MYO6: variants seen among roughly 807,000 people sequenced by gnomAD.
The protein encoded by MYO6 is unconventional myosin-VI.
Under a neutral mutation model 178.7 loss-of-function variants are expected in MYO6, and 74 were observed. That is an observed-to-expected ratio of 0.41 (90% CI 0.34 to 0.50). The LOEUF (loss-of-function observed/expected upper bound fraction) is 0.50, where lower values mean the gene tolerates loss of function less well. Ranked by LOEUF, MYO6 falls within the 20% of genes least tolerant of loss-of-function variation. MYO6 has a pLI of 0.09. For missense variants in MYO6, 1,330 were observed against 1,547.4 expected (o/e 0.86, Z 2.36); for synonymous variants, 477 against 504.6 (o/e 0.95, Z 0.73).
chr6:75,767,882 T>C (rs541385630), intron 1 of MYO6, among the ~76,000 whole-genome samples: 1 of 152,160 alleles, frequency 6.6e-6, no homozygotes, highest in Non-Finnish European at 1.5e-5. Flanking sequence ...ATGAATTTAC[T>C]ACAGAAATTA....
At chr6:75,835,156 C>T (rs191617730) in intron 6 of MYO6, among the ~76,000 whole-genome samples, 1 of 152,224 alleles carries the variant, frequency 6.6e-6, no homozygotes, top group Non-Finnish European at 1.5e-5. Context: ...TTAATAGGCT[C>T]TCACAAAAGG....
chr6:75,770,059 A>T (rs1244597090), intron 1 of MYO6, among the ~76,000 whole-genome samples: 1 of 151,946 alleles, frequency 6.6e-6, no homozygotes, highest in East Asian at 1.9e-4. Context: ...GGGGGCTCAG[A>T]CCCCACATTT....
At position 75,848,397 on chromosome 6, in the gene MYO6, G is replaced by A; in HGVS notation, c.944G>A (p.Gly315Asp). The A allele has an allele frequency of 1.2e-6, 2 of 1,613,764 alleles. No homozygotes were observed. Among genetic ancestry groups the A allele is most frequent in the Non-Finnish European group, 1.7e-6 (2 of 1,179,818 alleles). The change falls in exon 11 of 35, where the codon GGT becomes GAT. Residue 315 changes from glycine (G) to aspartate (D), a missense_variant. By Grantham distance (94) the Gly-to-Asp change is moderately conservative (BLOSUM62 -1). Around this residue, in one of 3 missense-constraint regions of MYO6, gnomAD observed 613 missense variants for 816.8 expected, o/e 0.75. Transcript: ENST00000369977. ...SMKDPLLDDH[G>D]DFIRMCTAMK... Reference sequence around the variant, plus strand: ...AAAGATCCTCTGCTAGATGACCATGGTGATTTTATTAGAATGTGCACGGCT... The same window carrying A: ...AAAGATCCTCTGCTAGATGACCATGATGATTTTATTAGAATGTGCACGGCT...
At position 75,809,986 on chromosome 6, in the gene MYO6, A is replaced by G. The variant is rs115233189; in HGVS notation, c.-47-7515A>G. ...GTAGTCCTAGCTCCTGTAGAGGCTG[A>G]GGCAGGAGAATTGCTTGAACCCTGG... is the stretch of plus-strand genomic sequence containing the variant. On this transcript the variant is annotated intron_variant, in intron 1 of 34. Transcript: ENST00000369977. 2.8e-3 allele frequency among the ~76,000 whole-genome samples: 420 copies of G among 149,264 alleles called. 3 individuals carry two copies. Among genetic ancestry groups the G allele is most frequent in the African/African-American group, 9.6e-3 (389 of 40,606 alleles).
chr6:75,775,225 G>C (rs1766264684), intron 1 of MYO6, among the ~76,000 whole-genome samples: 3 of 152,098 alleles, frequency 2.0e-5, no homozygotes, highest in Admixed American at 2.0e-4. Context: ...AATCCTCCCG[G>C]GATTTGGGAT....
intron 28 of MYO6, among the ~76,000 whole-genome samples, 177 bp from the exon 29 acceptor site, chr6:75,895,054 A>G (rs913323351): frequency 3.3e-5 from 5 of 152,188 alleles, no homozygotes; most frequent in Admixed American, 6.5e-5. Flanking sequence ...TTATTTTCCA[A>G]TCATTTTTAA....
intron 1 of MYO6, among the ~76,000 whole-genome samples, chr6:75,784,437 G>A (rs1426871466): frequency 6.6e-6 from 1 of 151,976 alleles, no homozygotes; most frequent in Non-Finnish European, 1.5e-5. Flanking sequence ...GCTGGGGAAA[G>A]CCAGCTTTCC....
At position 75,795,460 on chromosome 6, in the gene MYO6, TA is replaced by T. The variant is rs1768708704; in HGVS notation, c.-47-22039del. 2.0e-5 allele frequency among the ~76,000 whole-genome samples: 3 copies of T among 152,186 alleles called. No individual in the cohort carries two copies. The South Asian group carries it at 6.2e-4, about 32-fold the overall frequency. On this transcript the variant is annotated intron_variant, in intron 1 of 34. Coordinates refer to ENST00000369977, the MANE Select transcript of MYO6 (RefSeq NM_004999.4). Reference sequence around the variant, plus strand: ...TCGATTATTTTTGTTTATGAAAAGTTAACTGTTTGAGTAACTTTTTAAGTGC... The same window carrying T: ...TCGATTATTTTTGTTTATGAAAAGTTACTGTTTGAGTAACTTTTTAAGTGC...
At chr6:75,848,830 T>G (rs946874940) in intron 11 of MYO6, among the ~76,000 whole-genome samples, 7 of 152,154 alleles carry the variant, frequency 4.6e-5, no homozygotes, top group Admixed American at 1.3e-4. Flanking sequence ...ATTTTCCAGT[T>G]ATATTACACT....
intron 30 of MYO6, among the ~76,000 whole-genome samples, chr6:75,903,149 TGTG>T (rs1397026798): frequency 6.6e-6 from 1 of 152,126 alleles, no homozygotes; most frequent in Admixed American, 6.5e-5. Context: ...CTTCCAAGTA[TGTG>T]GTCAATTTTG....
chr6:75,791,186 G>T (rs1371548280), intron 1 of MYO6, among the ~76,000 whole-genome samples: 2 of 152,176 alleles, frequency 1.3e-5, no homozygotes, highest in Non-Finnish European at 2.9e-5. Context: ...ACCCACCTTG[G>T]CCTCCCAAAG....
In MYO6 at chr6:75,823,794, G is replaced by A. The variant is rs6904094; in HGVS notation, c.187+943G>A. 5.0e-3 allele frequency among the ~76,000 whole-genome samples: 765 copies of A among 152,250 alleles called. 7 individuals carry two copies. The highest frequency in any genetic ancestry group is 0.017 in the African/African-American group (693 of 41,534). ...GAGGCTGTCTGCTCGTGGGCATTTC[G>A]TCTCTCTTCTGAAATTCTCATCTGT... is the stretch of plus-strand genomic sequence containing the variant. On this transcript the variant is annotated intron_variant, in intron 3 of 34. Coordinates refer to ENST00000369977, the MANE Select transcript of MYO6 (RefSeq NM_004999.4).
At chr6:75,763,528 A>G (rs74561589) in intron 1 of MYO6, among the ~76,000 whole-genome samples, 6,526 of 152,306 alleles carry the variant, frequency 0.043, 196 homozygotes, top group Non-Finnish European at 0.065. Flanking sequence ...ATGAAATTTG[A>G]TCTTATATTG....
At chr6:75,754,901 C>T (rs907793358) in intron 1 of MYO6, among the ~76,000 whole-genome samples, 3 of 152,070 alleles carry the variant, frequency 2.0e-5, no homozygotes, top group African/African-American at 7.2e-5. Flanking sequence ...TAAATTTATT[C>T]CTTTTCTACA....
chr6:75,861,273 G>T (rs550714575), intron 15 of MYO6, among the ~76,000 whole-genome samples, 178 bp downstream of exon 15: 10 of 152,192 alleles, frequency 6.6e-5, no homozygotes, highest in African/African-American at 2.2e-4. Flanking sequence ...GACTTCAAAG[G>T]TATCTTTGTT....
At chr6:75,788,968 TC>T (rs1371434928) in intron 1 of MYO6, among the ~76,000 whole-genome samples, 18 of 152,206 alleles carry the variant, frequency 1.2e-4, no homozygotes, top group African/African-American at 4.3e-4. Flanking sequence ...AACATGATAT[TC>T]CTTCATATGC....
At chr6:75,808,265 G>C (rs955678365) in intron 1 of MYO6, among the ~76,000 whole-genome samples, 4 of 152,182 alleles carry the variant, frequency 2.6e-5, no homozygotes, top group South Asian at 2.1e-4. Context: ...ACGTCAGTGT[G>C]TCACCGTGGT....
chr6:75,878,473 G>A (rs9359145), intron 20 of MYO6, among the ~76,000 whole-genome samples: 144,090 of 152,278 alleles, frequency 0.95, 68,271 homozygotes, highest in African/African-American at 0.99. Context: ...TTACTTTTCT[G>A]CTAAGAATGC....
At chr6:75,903,354 G>A (rs1262647017) in intron 30 of MYO6, among the ~76,000 whole-genome samples, 2 of 151,806 alleles carry the variant, frequency 1.3e-5, no homozygotes, top group African/African-American at 4.8e-5. Flanking sequence ...TTAATGTGTG[G>A]GAGTCTAAGT....
Sources: allele counts gnomAD v4.1 joint callset (sites outside exome capture counted in the v4.1 genomes callset), GRCh38; gene constraint gnomAD v4.1.1; regional missense constraint gnomAD v4.1.1; transcripts MANE v1.5; gene names NCBI Gene and HGNC (gene_info 2026-07-23, HGNC 2026-07-21).